The following BTBD8 variants were observed in gnomAD, a reference collection of about 807,000 sequenced individuals.
BTBD8 encodes BTB domain containing 8.
BTBD8 carries 110 observed loss-of-function variants against 162.9 expected under a neutral mutation model. The observed-to-expected ratio is 0.68, with a 90% CI of 0.58 to 0.79. The LOEUF is 0.79. Among genes scored for constraint, BTBD8 ranks in the 30% least tolerant of loss-of-function variants. The probability of loss-of-function intolerance (pLI) is 0.00; values close to 1 mark genes in which losing one functional copy is unlikely to be tolerated. For synonymous variants in BTBD8, 667 were observed against 716.1 expected (o/e 0.93, Z 1.10); for missense variants, 1,905 against 2,085.4 (o/e 0.91, Z 1.68).
At chr1:92,173,297 T>C (rs1236846135) in intron 13 of BTBD8, among the ~76,000 whole-genome samples, 1 of 152,228 alleles carries the variant, frequency 6.6e-6, no homozygotes, top group Non-Finnish European at 1.5e-5. Flanking sequence ...AAGAATACTT[T>C]TGAATTGTTG....
At chr1:92,127,308 A>G (rs1368113535) in intron 4 of BTBD8, among the ~76,000 whole-genome samples, 1 of 152,218 alleles carries the variant, frequency 6.6e-6, no homozygotes, top group African/African-American at 2.4e-5. Flanking sequence ...TTCGAGGTCT[A>G]CACTCCTGGT....
chr1:92,155,807 A>G (rs1449732192), intron 9 of BTBD8, among the ~76,000 whole-genome samples: 1 of 152,112 alleles, frequency 6.6e-6, no homozygotes, highest in South Asian at 2.1e-4. Flanking sequence ...ATCTTTACTG[A>G]ATTTGTTTTA....
chr1:92,145,290 A>T (rs189408327), intron 7 of BTBD8, among the ~76,000 whole-genome samples: 1 of 152,164 alleles, frequency 6.6e-6, no homozygotes, highest in Non-Finnish European at 1.5e-5. Flanking sequence ...TAATACTAAT[A>T]TAACACTTTT....
intron 2 of BTBD8, among the ~76,000 whole-genome samples, chr1:92,100,048 G>T (rs934635833): frequency 4.6e-5 from 7 of 152,074 alleles, no homozygotes; most frequent in Non-Finnish European, 8.8e-5. Flanking sequence ...CTAGTTTGTT[G>T]AATGTTTTAT....
rs994344603 is a variant in BTBD8 at position 92,095,389 on chromosome 1, C to A, written c.347+6494C>A. Among the ~76,000 whole-genome samples the A allele has an allele frequency of 4.6e-5, 7 of 152,278 alleles. No individual in the cohort carries two copies. The East Asian group carries it at 9.6e-4, about 21-fold the overall frequency. On this transcript the variant is annotated intron_variant, in intron 2 of 17. Transcript: ENST00000636805. ...TTTCCCCTTGCTCCTTCTGACCAAC[C>A]CTGTTGCTTCCCTGTGTGGCCCTGC...
intron 15 of BTBD8, 52 bp from the exon 16 acceptor site, chr1:92,178,259 AG>A: frequency 1.4e-6 from 2 of 1,407,570 alleles, no homozygotes; most frequent in Non-Finnish European, 1.9e-6. Context: ...TCTTTTAAAA[AG>A]TTCATGTTTT....
At chr1:92,165,753 C>T (rs1650370129) in intron 9 of BTBD8, among the ~76,000 whole-genome samples, 3 of 152,122 alleles carry the variant, frequency 2.0e-5, no homozygotes, top group Admixed American at 2.0e-4. Context: ...CCTCTTTGGT[C>T]TGGTGGTCCC....
Position 92,171,381 on chromosome 1 carries a change from T to A in BTBD8, c.1574-18T>A. On this transcript the variant is annotated intron_variant, in intron 12 of 17. Transcript: ENST00000636805. ...AATAATGTTCCTTATAAAAACAAAT[T>A]GCTGTTTCTTTCTACAGCTGCATTT... is the stretch of plus-strand genomic sequence containing the variant. 6.5e-7 allele frequency: 1 copy of A among 1,534,610 alleles called. No individual in the cohort carries two copies. Among genetic ancestry groups the A allele is most frequent in the Non-Finnish European group, 8.8e-7 (1 of 1,136,802 alleles).
At chr1:92,145,852 G>T (rs1334616145) in intron 7 of BTBD8, among the ~76,000 whole-genome samples, 3 of 151,890 alleles carry the variant, frequency 2.0e-5, no homozygotes, top group Non-Finnish European at 4.4e-5. Context: ...GTGGTGGCAG[G>T]CGCCTGTAAT....
At chr1:92,144,443 A>G (rs1302013460) in intron 7 of BTBD8, among the ~76,000 whole-genome samples, 1 of 151,986 alleles carries the variant, frequency 6.6e-6, no homozygotes, top group Non-Finnish European at 1.5e-5. Context: ...CTTTTACACA[A>G]TTAAACATTT....
At chr1:92,147,585 C>A in intron 8 of BTBD8, 99 bp from the exon 9 acceptor site, 1 of 830,918 alleles carries the variant, frequency 1.2e-6, no homozygotes, top group South Asian at 1.7e-5. Context: ...TTAGTCAGGT[C>A]ATATATATGT....
chr1:92,163,444 A>G lies in BTBD8; in HGVS notation c.1123-3514A>G, dbSNP rs767975968. Reference sequence around the variant, plus strand: ...CATTTGTATAAAATAAGAAAATTACATATATGTTTTGTTTGTATATGCATA... The same window carrying G: ...CATTTGTATAAAATAAGAAAATTACGTATATGTTTTGTTTGTATATGCATA... On this transcript the variant is annotated intron_variant, in intron 9 of 17. Coordinates refer to ENST00000636805, the MANE Select transcript of BTBD8 (RefSeq NM_001376131.1). 3.1e-4 allele frequency among the ~76,000 whole-genome samples: 47 copies of G among 151,520 alleles called. 1 individual carries two copies. Among genetic ancestry groups the G allele is most frequent in the Admixed American group, 2.8e-3 (43 of 15,204 alleles).
At chr1:92,150,177 A>G (rs185013228) in intron 9 of BTBD8, among the ~76,000 whole-genome samples, 3 of 152,370 alleles carry the variant, frequency 2.0e-5, no homozygotes, top group East Asian at 1.9e-4. Context: ...ATTTTACTAT[A>G]GACTAATGGA....
chr1:92,166,424 CTTTTT>C (rs35849731), intron 9 of BTBD8, among the ~76,000 whole-genome samples: 11 of 120,416 alleles, frequency 9.1e-5, no homozygotes, highest in African/African-American at 3.5e-4. Flanking sequence ...TCTTTTCTTT[CTTTTT>C]TTTTTTTTTT....
At chr1:92,168,845 T>C in intron 11 of BTBD8, 21 bp from the exon 12 acceptor site, 1 of 1,494,914 alleles carries the variant, frequency 6.7e-7, no homozygotes, top group Non-Finnish European at 9.1e-7. Flanking sequence ...CACCAGCTGC[T>C]GATTTGTTGC....
rs1353044456 is a variant in BTBD8, at chr1:92,184,421, CT to C, written c.*94del. 3 of 781,014 alleles carry C rather than the reference CT, an allele frequency of 3.8e-6. No homozygotes were observed. In the East Asian group the frequency reaches 8.1e-5, roughly 21 times the overall value. 48.4% of individuals were successfully genotyped at this position (781,014 alleles called of 1,614,324 possible). A position where few individuals can be genotyped will look rare whatever the true frequency, so the allele number is the denominator to read the frequency against. On this transcript the variant is annotated 3_prime_UTR_variant, in exon 18 of 18. Coordinates refer to ENST00000636805, the MANE Select transcript of BTBD8 (RefSeq NM_001376131.1). Reference sequence around the variant, plus strand: ...GATAATTGCATTAGCCGGATATAAACTTTCTTTAATATTGAGTCTTTCCAAT... The same window carrying C: ...GATAATTGCATTAGCCGGATATAAACTTCTTTAATATTGAGTCTTTCCAAT...
rs143055966 is a variant in BTBD8 at position 92,175,233 on chromosome 1, C to T, written c.1636-1596C>T. ...CGGTGGCTCACACCTGTAATCCCAG[C>T]ACTTTAGGAGGCTGAGGTGGGTGGA... On this transcript the variant is annotated intron_variant, in intron 13 of 17. Coordinates refer to ENST00000636805, the MANE Select transcript of BTBD8 (RefSeq NM_001376131.1). Among the ~76,000 whole-genome samples the T allele has an allele frequency of 5.6e-3, 856 of 152,014 alleles. 3 individuals are homozygous for T. Among genetic ancestry groups the T allele is most frequent in the Non-Finnish European group, 9.2e-3 (626 of 67,974 alleles).
chr1:92,149,789 G>A (rs952127956), intron 9 of BTBD8, among the ~76,000 whole-genome samples: 1 of 152,106 alleles, frequency 6.6e-6, no homozygotes, highest in African/African-American at 2.4e-5. Flanking sequence ...CTTACTCCGG[G>A]CCAGGTATAT....
intron 3 of BTBD8, among the ~76,000 whole-genome samples, chr1:92,102,966 C>T (rs889325684): frequency 6.6e-6 from 1 of 152,146 alleles, no homozygotes; most frequent in Non-Finnish European, 1.5e-5. Context: ...AATTCTGTTT[C>T]ACACCCTAAC....
Sources: allele counts gnomAD v4.1 joint callset (sites outside exome capture counted in the v4.1 genomes callset), GRCh38; gene constraint gnomAD v4.1.1; transcripts MANE v1.5; gene names NCBI Gene and HGNC (gene_info 2026-07-23, HGNC 2026-07-21).